The following NKAIN2 variants were observed in gnomAD, a reference collection of about 807,000 sequenced individuals.
NKAIN2 encodes sodium/potassium-transporting ATPase subunit beta-1-interacting protein 2.
Under a neutral mutation model 32.6 loss-of-function variants are expected in NKAIN2, and 14 were observed. The ratio of observed to expected loss-of-function variants is 0.43; its 90% confidence interval spans 0.28 to 0.67. The LOEUF (loss-of-function observed/expected upper bound fraction) is 0.67. Among genes scored for constraint, NKAIN2 ranks in the 30% least tolerant of loss-of-function variants. The probability of loss-of-function intolerance (pLI) is 0.17; values close to 1 mark genes in which losing one functional copy is unlikely to be tolerated. For synonymous variants in NKAIN2, 80 were observed against 87.2 expected (o/e 0.92, Z 0.46); for missense variants, 198 against 258.3 (o/e 0.77, Z 1.60).
At chr6:124,231,576 T>C (rs1792463693) in intron 1 of NKAIN2, among the ~76,000 whole-genome samples, 1 of 152,054 alleles carries the variant, frequency 6.6e-6, no homozygotes, top group African/African-American at 2.4e-5. Flanking sequence ...ATGGGGTGGG[T>C]CTTTCCCATG....
chr6:124,482,396 G>C (rs2114702900), intron 3 of NKAIN2, among the ~76,000 whole-genome samples: 1 of 152,250 alleles, frequency 6.6e-6, no homozygotes, highest in East Asian at 1.9e-4. Context: ...TACAATGTTG[G>C]ATTTCTACTG....
chr6:124,231,091 C>T (rs183163997), intron 1 of NKAIN2, among the ~76,000 whole-genome samples: 8 of 152,374 alleles, frequency 5.3e-5, no homozygotes, highest in Non-Finnish European at 7.3e-5. Flanking sequence ...GAACCCACCT[C>T]TTGCATCAGC....
intron 3 of NKAIN2, among the ~76,000 whole-genome samples, chr6:124,361,468 C>T (rs778625709): frequency 3.3e-5 from 5 of 151,928 alleles, no homozygotes; most frequent in African/African-American, 7.2e-5. Context: ...GATTATTGTA[C>T]ACTTAAAACA....
intron 4 of NKAIN2, among the ~76,000 whole-genome samples, chr6:124,750,613 A>G (rs988676113): frequency 1.3e-5 from 2 of 152,014 alleles, no homozygotes; most frequent in Admixed American, 1.3e-4. Context: ...TACTTTAAAT[A>G]TACCAGTTGT....
intron 1 of NKAIN2, among the ~76,000 whole-genome samples, chr6:124,145,381 G>C (rs983514703): frequency 1.3e-5 from 2 of 152,186 alleles, no homozygotes; most frequent in African/African-American, 4.8e-5. Context: ...TTCTTTAACA[G>C]GTGAATGGTT....
intron 4 of NKAIN2, among the ~76,000 whole-genome samples, chr6:124,742,808 G>A (rs1777282777): frequency 6.6e-6 from 1 of 151,760 alleles, no homozygotes; most frequent in Admixed American, 6.6e-5. Flanking sequence ...CCTTGGGCCT[G>A]TATGAGTCCT....
chr6:124,312,438 G>A (rs1488119459), intron 2 of NKAIN2, among the ~76,000 whole-genome samples: 2 of 152,174 alleles, frequency 1.3e-5, no homozygotes, highest in South Asian at 2.1e-4. Context: ...TTTCAGTTGG[G>A]TTCTCATAAC....
At chr6:124,728,146 C>T (rs1159757948) in intron 4 of NKAIN2, among the ~76,000 whole-genome samples, 1 of 133,828 alleles carries the variant, frequency 7.5e-6, no homozygotes, top group African/African-American at 2.8e-5. Flanking sequence ...TTAGACAGAT[C>T]AACGAGACAG....
At chr6:124,409,774 G>A (rs577477813) in intron 3 of NKAIN2, among the ~76,000 whole-genome samples, 55 of 152,278 alleles carry the variant, frequency 3.6e-4, no homozygotes, top group African/African-American at 1.3e-3. Context: ...AATGGTACCA[G>A]CTCCTCATTG....
chr6:124,661,834 C>T (rs1784756390), intron 4 of NKAIN2, among the ~76,000 whole-genome samples: 1 of 152,046 alleles, frequency 6.6e-6, no homozygotes, highest in African/African-American at 2.4e-5. Flanking sequence ...GTGGGGAGAG[C>T]CAAGGAGGAG....
chr6:123,953,690 T>C (rs1056059285), intron 1 of NKAIN2, among the ~76,000 whole-genome samples: 1 of 152,158 alleles, frequency 6.6e-6, no homozygotes, highest in Non-Finnish European at 1.5e-5. Context: ...TCAGCATGTT[T>C]GGACACCTTT....
intron 1 of NKAIN2, among the ~76,000 whole-genome samples, chr6:123,958,003 A>G (rs1369738322): frequency 6.6e-6 from 1 of 152,178 alleles, no homozygotes; most frequent in Non-Finnish European, 1.5e-5. Flanking sequence ...TACTAATTAC[A>G]TTATGATACT....
At chr6:124,264,699 C>T (rs1794408524) in intron 1 of NKAIN2, among the ~76,000 whole-genome samples, 1 of 152,124 alleles carries the variant, frequency 6.6e-6, no homozygotes, top group African/African-American at 2.4e-5. Flanking sequence ...ATAGCAGCTA[C>T]CATAGCCTTA....
chr6:124,260,118 A>G (rs1189342209), intron 1 of NKAIN2, among the ~76,000 whole-genome samples: 1 of 152,184 alleles, frequency 6.6e-6, no homozygotes, highest in East Asian at 1.9e-4. Flanking sequence ...TATGTCCAAA[A>G]AATCATTTTC....
intron 3 of NKAIN2, among the ~76,000 whole-genome samples, chr6:124,385,260 C>T (rs900765959): frequency 3.9e-5 from 6 of 152,120 alleles, no homozygotes; most frequent in African/African-American, 1.4e-4. Flanking sequence ...CAGGACTGGG[C>T]ATGTCAGGGA....
At chr6:124,098,849 A>G (rs1784755637) in intron 1 of NKAIN2, among the ~76,000 whole-genome samples, 1 of 152,080 alleles carries the variant, frequency 6.6e-6, no homozygotes, top group African/African-American at 2.4e-5. Context: ...CAGCCTGGGC[A>G]ACAGAGTGAG....
Position 124,006,924 on chromosome 6 carries a change from C to T in NKAIN2, c.54+202670C>T, listed in dbSNP as rs896552589. On this transcript the variant is annotated intron_variant, in intron 1 of 6. Transcript: ENST00000368417. ...GCTGTGAATGAAATAGCTTTTGTGA[C>T]TGACCTAAGGAAATTTAGCCATTTA... Among the ~76,000 whole-genome samples, 9 of 152,270 alleles carry T rather than the reference C, an allele frequency of 5.9e-5. No individual in the cohort carries two copies. In the East Asian group the frequency reaches 1.2e-3, roughly 20 times the overall value.
intron 1 of NKAIN2, among the ~76,000 whole-genome samples, chr6:124,243,302 C>G (rs1262048809): frequency 6.6e-6 from 1 of 151,986 alleles, no homozygotes; most frequent in Non-Finnish European, 1.5e-5. Flanking sequence ...GGAGACCACT[C>G]TGTCCAACCT....
intron 3 of NKAIN2, among the ~76,000 whole-genome samples, chr6:124,547,465 G>C (rs1780136274): frequency 6.6e-6 from 1 of 152,106 alleles, no homozygotes; most frequent in South Asian, 2.1e-4. Context: ...AACAAGACTT[G>C]ACCATTCAAT....
Sources: gnomAD v4.1 joint callset for allele counts (sites outside exome capture counted in the v4.1 genomes callset) on GRCh38, gnomAD v4.1.1 for gene constraint, MANE v1.5 for transcripts, NCBI Gene and HGNC (gene_info 2026-07-23, HGNC 2026-07-21) for gene names.